TBC1D19: variants seen among roughly 807,000 people sequenced by gnomAD.
The protein encoded by TBC1D19 is TBC1 domain family member 19, also known as TBC1 domain family, member 19.
TBC1D19 carries 60 observed loss-of-function variants against 89.0 expected under a neutral mutation model. The observed-to-expected ratio is 0.67, with a 90% CI of 0.55 to 0.84. The LOEUF (loss-of-function observed/expected upper bound fraction) is 0.84. Ranked by LOEUF, TBC1D19 falls within the 40% of genes least tolerant of loss-of-function variation. The pLI, the probability that TBC1D19 is intolerant of heterozygous loss-of-function variation, is 0.00. For synonymous variants in TBC1D19, 189 were observed against 199.7 expected (o/e 0.95, Z 0.45); for missense variants, 500 against 610.8 (o/e 0.82, Z 1.91).
At chr4:26,690,718 C>A (rs555864875) in intron 13 of TBC1D19, among the ~76,000 whole-genome samples, 1 of 152,308 alleles carries the variant, frequency 6.6e-6, no homozygotes, top group African/African-American at 2.4e-5. Flanking sequence ...AAAAAACATT[C>A]ATTTCAAAAT....
At chr4:26,682,919 G>A (rs960091997) in intron 11 of TBC1D19, among the ~76,000 whole-genome samples, 2 of 151,512 alleles carry the variant, frequency 1.3e-5, no homozygotes, top group African/African-American at 2.4e-5. Context: ...AGATTTTATA[G>A]TATTATGTGG....
intron 1 of TBC1D19, among the ~76,000 whole-genome samples, chr4:26,594,309 G>A (rs1261603146): frequency 6.6e-6 from 1 of 152,188 alleles, no homozygotes; most frequent in Non-Finnish European, 1.5e-5. Context: ...ATGGACACAG[G>A]AAGGGGAACA....
At chr4:26,720,656 T>C (rs1716913164) in intron 15 of TBC1D19, among the ~76,000 whole-genome samples, 1 of 152,138 alleles carries the variant, frequency 6.6e-6, no homozygotes, top group African/African-American at 2.4e-5. Flanking sequence ...TAAGATATGC[T>C]TCTTGGAAAA....
chr4:26,819,099 C>T, the TBC1D19 span, among the ~76,000 whole-genome samples: 30 of 152,294 alleles, frequency 2.0e-4, no homozygotes, highest in African/African-American at 6.7e-4. Flanking sequence ...CTGGGGCAGC[C>T]GCTGGAAGCA....
the TBC1D19 span, among the ~76,000 whole-genome samples, chr4:26,854,430 C>G: frequency 6.6e-6 from 1 of 152,138 alleles, no homozygotes; most frequent in Admixed American, 6.5e-5. Flanking sequence ...TGCCTTGGCT[C>G]TCCTATGTCT....
At chr4:26,738,142 C>G (rs12507314) in intron 16 of TBC1D19, among the ~76,000 whole-genome samples, 21 of 151,250 alleles carry the variant, frequency 1.4e-4, no homozygotes, top group African/African-American at 4.8e-4. Context: ...TAAAGCTTTT[C>G]CATTTCATAG....
At chr4:26,664,231 C>G (rs187437174) in intron 8 of TBC1D19, among the ~76,000 whole-genome samples, 2 of 152,198 alleles carry the variant, frequency 1.3e-5, no homozygotes, top group African/African-American at 4.8e-5. Context: ...TTTATATCAG[C>G]CTGGAATGTC....
At chr4:26,705,688 A>G (rs1253780307) in intron 13 of TBC1D19, among the ~76,000 whole-genome samples, 3 of 152,034 alleles carry the variant, frequency 2.0e-5, no homozygotes, top group African/African-American at 7.2e-5. Context: ...CACTGTTTTG[A>G]TTATTATAGC....
Position 26,649,711 on chromosome 4 carries a change from CT to C in TBC1D19, c.480+9537del, listed in dbSNP as rs879521883. 7.0e-3 allele frequency among the ~76,000 whole-genome samples: 1,021 copies of C among 145,024 alleles called. 8 individuals carry two copies. Among genetic ancestry groups the C allele is most frequent in the African/African-American group, 0.014 (566 of 39,914 alleles). ...GTGGCATAATATCTCAACGTTCTAA[CT>C]TTTTTTTTTTTTATTATACTTTAAG... On this transcript the variant is annotated intron_variant, in intron 7 of 20. Transcript: ENST00000264866.
chr4:26,699,795 T>C (rs1269674160), intron 13 of TBC1D19, among the ~76,000 whole-genome samples: 1 of 149,332 alleles, frequency 6.7e-6, no homozygotes, highest in Non-Finnish European at 1.5e-5. Flanking sequence ...TTCTCACTCT[T>C]AGGTGGTAAT....
chr4:26,642,378 C>G (rs1743606645), intron 7 of TBC1D19, among the ~76,000 whole-genome samples: 1 of 152,204 alleles, frequency 6.6e-6, no homozygotes, highest in African/African-American at 2.4e-5. Flanking sequence ...CAAGCAAATA[C>G]TGAGAAATTT....
the TBC1D19 span, among the ~76,000 whole-genome samples, chr4:26,851,904 T>A: frequency 4.6e-5 from 7 of 152,332 alleles, no homozygotes; most frequent in African/African-American, 1.7e-4. Context: ...ATTTACTTAG[T>A]GCATGGAGGA....
intron 1 of TBC1D19, among the ~76,000 whole-genome samples, chr4:26,596,176 C>T (rs144691245): frequency 0.021 from 3,212 of 152,090 alleles, 108 homozygotes; most frequent in African/African-American, 0.072. Context: ...AGGCTGGTCT[C>T]AAACTCCTGG....
intron 12 of TBC1D19, among the ~76,000 whole-genome samples, chr4:26,685,135 G>A (rs147579381): frequency 6.0e-4 from 92 of 152,296 alleles, no homozygotes; most frequent in Non-Finnish European, 1.1e-3. Flanking sequence ...TATTAAAAAT[G>A]TATAAAAATA....
At chr4:26,837,678 G>A in the TBC1D19 span, among the ~76,000 whole-genome samples, 71 of 152,238 alleles carry the variant, frequency 4.7e-4, no homozygotes, top group African/African-American at 1.6e-3. Context: ...ATGATTTAGC[G>A]ATCATCTGTA....
intron 13 of TBC1D19, among the ~76,000 whole-genome samples, chr4:26,697,219 C>G (rs1445643440): frequency 6.6e-6 from 1 of 152,172 alleles, no homozygotes; most frequent in South Asian, 2.1e-4. Context: ...TCAGAGAATA[C>G]TATAAACACC....
At chr4:26,815,374 T>C in the TBC1D19 span, among the ~76,000 whole-genome samples, 2 of 152,256 alleles carry the variant, frequency 1.3e-5, no homozygotes, top group African/African-American at 2.4e-5. Context: ...ATTAAGTTAC[T>C]CTTGAGTTCT....
At chr4:26,729,265 C>T (rs919562669) in intron 15 of TBC1D19, among the ~76,000 whole-genome samples, 1 of 152,198 alleles carries the variant, frequency 6.6e-6, no homozygotes, top group South Asian at 2.1e-4. Context: ...GAACTTTGAT[C>T]TCCTAACTAG....
At chr4:26,837,057 G>A in the TBC1D19 span, among the ~76,000 whole-genome samples, 1 of 152,186 alleles carries the variant, frequency 6.6e-6, no homozygotes, top group Non-Finnish European at 1.5e-5. Context: ...TGGAGAGACT[G>A]CCCCAAGCAA....
Sources: gnomAD v4.1 joint callset for allele counts (sites outside exome capture counted in the v4.1 genomes callset) on GRCh38, gnomAD v4.1.1 for gene constraint, MANE v1.5 for transcripts, NCBI Gene and HGNC (gene_info 2026-07-23, HGNC 2026-07-21) for gene names.